Variants in CSMD3 observed in about 807,000 individuals in gnomAD.
The protein encoded by CSMD3 is CUB and Sushi multiple domains 3.
In CSMD3, 177 loss-of-function variants were observed where a neutral mutation model predicts 435.2. The ratio of observed to expected loss-of-function variants is 0.41; its 90% CI spans 0.36 to 0.46. CSMD3 has a LOEUF of 0.46. Ranked by LOEUF, CSMD3 falls within the 20% of genes least tolerant of loss-of-function variation. The pLI is 0.34. For missense variants in CSMD3, 4,265 were observed against 4,504.6 expected, an observed-to-expected ratio of 0.95 and a Z score of 1.52; for synonymous variants, 1,656 against 1,520.5, an observed-to-expected ratio of 1.09 and a Z score of -2.07.
chr8:113,413,845 A>G (rs569065123), intron 1 of CSMD3, among the ~76,000 whole-genome samples: 1 of 152,254 alleles, frequency 6.6e-6, no homozygotes, highest in African/African-American at 2.4e-5. Flanking sequence ...AAAAGTTTTT[A>G]TTTACCTTCT....
At chr8:112,562,236 G>A (rs1828690906) in intron 24 of CSMD3, among the ~76,000 whole-genome samples, 1 of 150,594 alleles carries the variant, frequency 6.6e-6, no homozygotes, top group African/African-American at 2.4e-5. Flanking sequence ...ATTCACATAG[G>A]GTAATGTCAT....
chr8:112,918,505 T>C (rs1336197517), intron 10 of CSMD3, among the ~76,000 whole-genome samples: 1 of 151,888 alleles, frequency 6.6e-6, no homozygotes, highest in East Asian at 1.9e-4. Context: ...AAATTATCAA[T>C]GCTCAACCAC....
chr8:113,207,554 T>C (rs2092785929), intron 3 of CSMD3, among the ~76,000 whole-genome samples: 1 of 151,974 alleles, frequency 6.6e-6, no homozygotes, highest in Admixed American at 6.6e-5. Flanking sequence ...GGCTAATTTT[T>C]GTATTTTTAG....
At chr8:112,614,459 C>T (rs1426972982) in intron 22 of CSMD3, among the ~76,000 whole-genome samples, 1 of 152,028 alleles carries the variant, frequency 6.6e-6, no homozygotes, top group African/African-American at 2.4e-5. Flanking sequence ...ACCCGGTATA[C>T]TGTTATCTCT....
chr8:112,314,053 CT>C lies in CSMD3; in HGVS notation c.7550-2del, dbSNP rs927963350. The C allele has an allele frequency of 6.2e-7, 1 of 1,604,688 alleles. No individual in the cohort carries two copies. Among genetic ancestry groups the C allele is most frequent in the Non-Finnish European group, 8.5e-7 (1 of 1,172,308 alleles). Reference sequence around the variant, plus strand: ...AGCACTGGACTTTGAATATTTGGTCCTTTGGGAAGAAAATAAAACAATTTAG... The same window carrying C: ...AGCACTGGACTTTGAATATTTGGTCCTTGGGAAGAAAATAAAACAATTTAG... On this transcript the variant is annotated splice_acceptor_variant, in intron 48 of 70. Transcript: ENST00000297405. LOFTEE classifies it high-confidence loss of function.
chr8:112,556,481 T>G (rs991195288), intron 25 of CSMD3, among the ~76,000 whole-genome samples: 3 of 152,138 alleles, frequency 2.0e-5, no homozygotes, highest in African/African-American at 7.2e-5. Context: ...ATTTTAGTAA[T>G]GAGTTCCATT....
intron 27 of CSMD3, among the ~76,000 whole-genome samples, chr8:112,545,479 T>A (rs1317403076): frequency 1.6e-4 from 3 of 18,570 alleles, no homozygotes; most frequent in South Asian, 1.5e-3. Flanking sequence ...CGAGACTCCA[T>A]CTCAAAAAAA....
chr8:112,946,591 A>T (rs540976171), intron 9 of CSMD3, among the ~76,000 whole-genome samples: 1 of 151,718 alleles, frequency 6.6e-6, no homozygotes, highest in Non-Finnish European at 1.5e-5. Flanking sequence ...GGAAAAAATA[A>T]TTATTTAATT....
At chr8:112,859,291 A>T (rs563825383) in intron 10 of CSMD3, 25 bp from the exon 11 acceptor site, 36 of 1,597,968 alleles carry the variant, frequency 2.3e-5, no homozygotes, top group Admixed American at 6.7e-5. Flanking sequence ...GCATTTTAAA[A>T]GATGAACATA....
At chr8:112,935,493 G>A (rs188987558) in intron 9 of CSMD3, among the ~76,000 whole-genome samples, 1 of 152,056 alleles carries the variant, frequency 6.6e-6, no homozygotes, top group Non-Finnish European at 1.5e-5. Context: ...AGATTGCTAT[G>A]GTTAGTATAG....
Position 113,076,968 on chromosome 8 carries a change from G to T in CSMD3, c.917+21788C>A, listed in dbSNP as rs542004277. Among the ~76,000 whole-genome samples the T allele has an allele frequency of 4.3e-4, 65 of 152,242 alleles. 1 individual carries two copies. The highest frequency in any genetic ancestry group is 7.2e-4 in the Non-Finnish European group (49 of 68,000). On this transcript the variant is annotated intron_variant, in intron 5 of 70. Coordinates refer to ENST00000297405, the MANE Select transcript of CSMD3 (RefSeq NM_198123.2). ...TTATAGAGATGGAGAAGGTTGCCAG[G>T]TATTAGGGAGACAAAAGGAAGAGAA...
At chr8:112,830,765 CT>C (rs201169147) in intron 11 of CSMD3, among the ~76,000 whole-genome samples, 1,973 of 145,266 alleles carry the variant, frequency 0.014, 54 homozygotes, top group African/African-American at 0.046. Flanking sequence ...TATATCTTGG[CT>C]TTTTTTTGTT....
At chr8:112,983,672 T>A (rs2085136637) in intron 6 of CSMD3, among the ~76,000 whole-genome samples, 1 of 151,518 alleles carries the variant, frequency 6.6e-6, no homozygotes, top group South Asian at 2.1e-4. Context: ...GGGAGAAGTG[T>A]GAAGTTTGCC....
rs115167373 is a variant in CSMD3, at chr8:112,474,798, G to A, written c.5279-2091C>T. ...AAAACACACACAACACAAACAGTACGTTGTATTGCGTTGAGTGATGAATAT... is the reference window on the plus strand; with the variant it reads ...AAAACACACACAACACAAACAGTACATTGTATTGCGTTGAGTGATGAATAT... On this transcript the variant is annotated intron_variant, in intron 31 of 70. Coordinates refer to ENST00000297405, the MANE Select transcript of CSMD3 (RefSeq NM_198123.2). Among the ~76,000 whole-genome samples the A allele has an allele frequency of 8.2e-3, 1,241 of 152,200 alleles. 23 individuals are homozygous for A. The highest frequency in any genetic ancestry group is 0.028 in the African/African-American group (1,152 of 41,546).
Position 112,490,771 on chromosome 8 carries a change from T to G in CSMD3, c.5278+1718A>C, listed in dbSNP as rs1376396615. On this transcript the variant is annotated intron_variant, in intron 31 of 70. Coordinates refer to ENST00000297405, the MANE Select transcript of CSMD3 (RefSeq NM_198123.2). The stretch of plus-strand genomic sequence containing the variant: ...TGTTTAATATTTTTTTCTAGCTAAA[T>G]TAGATTTTTCTAATTCTAAATTACA... Among the ~76,000 whole-genome samples, 4 of 152,144 alleles carry G rather than the reference T, an allele frequency of 2.6e-5. No individual in the cohort carries two copies. In the East Asian group the frequency reaches 5.8e-4, roughly 22 times the overall value.
At chr8:113,095,509 T>A (rs1265057261) in intron 5 of CSMD3, among the ~76,000 whole-genome samples, 1 of 152,180 alleles carries the variant, frequency 6.6e-6, no homozygotes, top group Non-Finnish European at 1.5e-5. Flanking sequence ...GTGATCAGTT[T>A]TGGAGCTTAT....
At chr8:112,241,860 A>T (rs1814200726) in intron 65 of CSMD3, 75 bp from the exon 66 acceptor site, 1 of 868,864 alleles carries the variant, frequency 1.2e-6, no homozygotes, top group African/African-American at 1.7e-5. Flanking sequence ...ACACACACGC[A>T]CACACACACA....
At chr8:113,436,172 A>G (rs1027344543) in intron 1 of CSMD3, among the ~76,000 whole-genome samples, 1 of 152,164 alleles carries the variant, frequency 6.6e-6, no homozygotes, top group Non-Finnish European at 1.5e-5. Flanking sequence ...GCAGACATTC[A>G]TGTTGATGTG....
intron 1 of CSMD3, among the ~76,000 whole-genome samples, chr8:113,318,727 C>T (rs2093928014): frequency 6.6e-6 from 1 of 151,282 alleles, no homozygotes. Flanking sequence ...GCATAATGTC[C>T]TCTAAGTCCA....
Sources: gnomAD v4.1 joint callset for allele counts (sites outside exome capture counted in the v4.1 genomes callset) on GRCh38, gnomAD v4.1.1 for gene constraint, MANE v1.5 for transcripts, NCBI Gene and HGNC (gene_info 2026-07-23, HGNC 2026-07-21) for gene names.